MTSS1: variants seen among roughly 807,000 people sequenced by gnomAD.
The protein encoded by MTSS1 is protein MTSS 1.
MTSS1 carries 18 observed loss-of-function variants against 79.0 expected under a neutral mutation model. The observed-to-expected ratio is 0.23, with a 90% CI of 0.16 to 0.34. The LOEUF (loss-of-function observed/expected upper bound fraction) is 0.34. Among genes scored for constraint, MTSS1 ranks in the 10% least tolerant of loss-of-function variants. The pLI is 1.00. For missense variants in MTSS1, 815 were observed against 986.2 expected, an observed-to-expected ratio of 0.83 and a Z score of 2.33; for synonymous variants, 341 against 368.6, an observed-to-expected ratio of 0.93 and a Z score of 0.86.
intron 3 of MTSS1, among the ~76,000 whole-genome samples, chr8:124,599,921 G>A (rs1306187767): frequency 6.6e-6 from 1 of 152,028 alleles, no homozygotes; most frequent in Non-Finnish European, 1.5e-5. Flanking sequence ...ACCACAGGGT[G>A]AAAGGCTTAG....
chr8:124,604,197 AGT>A (rs1834407511), intron 3 of MTSS1, among the ~76,000 whole-genome samples: 1 of 152,256 alleles, frequency 6.6e-6, no homozygotes, highest in East Asian at 1.9e-4. Flanking sequence ...TGGGCAACAG[AGT>A]GAGACTCCAT....
At chr8:124,560,503 T>C (rs1465967647) in intron 10 of MTSS1, among the ~76,000 whole-genome samples, 1 of 152,090 alleles carries the variant, frequency 6.6e-6, no homozygotes, top group Non-Finnish European at 1.5e-5. Context: ...AAAATAAAAT[T>C]AGCCAAGCAT....
At chr8:124,616,327 T>C (rs902293598) in intron 3 of MTSS1, among the ~76,000 whole-genome samples, 5 of 151,108 alleles carry the variant, frequency 3.3e-5, no homozygotes, top group African/African-American at 1.2e-4. Context: ...CATGAGGTTT[T>C]TGTCATTGCT....
At chr8:124,612,508 A>G (rs951841493) in intron 3 of MTSS1, among the ~76,000 whole-genome samples, 1 of 152,026 alleles carries the variant, frequency 6.6e-6, no homozygotes, top group Admixed American at 6.6e-5. Flanking sequence ...TCAGGTAGAA[A>G]TCTTGGCATC....
chr8:124,627,787 G>T (rs1815011222), intron 3 of MTSS1, among the ~76,000 whole-genome samples: 1 of 152,240 alleles, frequency 6.6e-6, no homozygotes, highest in Non-Finnish European at 1.5e-5. Flanking sequence ...GGGAGTCCGG[G>T]AGAGAAGCAC....
At chr8:124,699,674 AC>A (rs1164012522) in intron 2 of MTSS1, 75 bp from the exon 3 acceptor site, 2 of 1,329,900 alleles carry the variant, frequency 1.5e-6, no homozygotes, top group African/African-American at 2.9e-5. Context: ...AAGGCCTAAA[AC>A]CTCTGCTAAG....
chr8:124,568,688 G>C lies in MTSS1; in HGVS notation c.461-152C>G, dbSNP rs766117979. 5 of 1,468,586 alleles carry C rather than the reference G, an allele frequency of 3.4e-6. No individual in the cohort carries two copies. In the Admixed American group the frequency reaches 1.0e-4, roughly 29 times the overall value. The allele number at this position is 1,468,586 out of a possible 1,614,324, so 91.0% of individuals were successfully genotyped here. On this transcript the variant is annotated intron_variant, in intron 6 of 13. Coordinates refer to ENST00000518547, the MANE Select transcript of MTSS1 (RefSeq NM_014751.6). ...TCATGCCCCAAAAGGATTTAAGGCA[G>C]CTGTTTTTCTAGGACCAGCCATTTC...
At chr8:124,714,829 C>T (rs1831692227) in intron 1 of MTSS1, among the ~76,000 whole-genome samples, 1 of 152,154 alleles carries the variant, frequency 6.6e-6, no homozygotes, top group Non-Finnish European at 1.5e-5. Context: ...TGATTCTCCA[C>T]ATCTGGAAAC....
intron 3 of MTSS1, 52 bp from the exon 4 acceptor site, chr8:124,591,287 T>C: frequency 1.4e-6 from 2 of 1,463,048 alleles, no homozygotes; most frequent in Non-Finnish European, 1.9e-6. Flanking sequence ...GCAGGGATCA[T>C]GGAGGTCTTT....
chr8:124,602,939 G>A (rs749304600), intron 3 of MTSS1, among the ~76,000 whole-genome samples: 5 of 152,188 alleles, frequency 3.3e-5, no homozygotes, highest in Non-Finnish European at 7.3e-5. Context: ...TGGAAATGAC[G>A]GATCGTCATG....
chr8:124,685,652 G>A (rs985551528), intron 3 of MTSS1, among the ~76,000 whole-genome samples: 4 of 151,638 alleles, frequency 2.6e-5, no homozygotes, highest in African/African-American at 9.8e-5. Context: ...GCATGTACTG[G>A]GGAGACAGCC....
chr8:124,694,692 C>T (rs1412487014), intron 3 of MTSS1, among the ~76,000 whole-genome samples: 2 of 151,782 alleles, frequency 1.3e-5, no homozygotes, highest in Admixed American at 6.6e-5. Context: ...TTTAAGTAGC[C>T]CAGACAAATG....
chr8:124,561,726 G>A (rs571811736), intron 10 of MTSS1, among the ~76,000 whole-genome samples: 7 of 152,124 alleles, frequency 4.6e-5, no homozygotes, highest in South Asian at 2.1e-4. Context: ...CCCTCCTCCC[G>A]ACCCTTTGCC....
chr8:124,589,596 G>A (rs768894233), intron 5 of MTSS1, 24 bp downstream of exon 5: 3 of 1,592,812 alleles, frequency 1.9e-6, no homozygotes, highest in Non-Finnish European at 2.6e-6. Flanking sequence ...GTGCAGTGAT[G>A]CGCTAGACAT....
intron 3 of MTSS1, among the ~76,000 whole-genome samples, chr8:124,678,187 A>ATACATAT (rs1248722077): frequency 2.0e-5 from 3 of 152,164 alleles, no homozygotes; most frequent in Non-Finnish European, 4.4e-5. Context: ...AGTGGATAGT[A>ATACATAT]TACATATTTA....
At chr8:124,643,970 T>C (rs114115046) in intron 3 of MTSS1, among the ~76,000 whole-genome samples, 331 of 152,042 alleles carry the variant, frequency 2.2e-3, no homozygotes, top group African/African-American at 7.6e-3. Flanking sequence ...GGTGTGGGTA[T>C]GTGTCTGTGA....
chr8:124,598,002 G>A (rs1235531981), intron 3 of MTSS1, among the ~76,000 whole-genome samples: 1 of 152,194 alleles, frequency 6.6e-6, no homozygotes, highest in Non-Finnish European at 1.5e-5. Context: ...GGCCAGGCAT[G>A]ATGGCCATGC....
At chr8:124,722,393 T>C (rs1346449257) in intron 1 of MTSS1, among the ~76,000 whole-genome samples, 1 of 152,188 alleles carries the variant, frequency 6.6e-6, no homozygotes, top group African/African-American at 2.4e-5. Flanking sequence ...AGCCTAGGAC[T>C]TCCAGGTGTT....
At chr8:124,577,406 C>T (rs768772013) in intron 6 of MTSS1, among the ~76,000 whole-genome samples, 4 of 152,210 alleles carry the variant, frequency 2.6e-5, no homozygotes, top group Non-Finnish European at 5.9e-5. Flanking sequence ...CACGCCACCA[C>T]ACCCAGCTAA....
Sources: gnomAD v4.1 joint callset for allele counts (sites outside exome capture counted in the v4.1 genomes callset) on GRCh38, gnomAD v4.1.1 for gene constraint, MANE v1.5 for transcripts, NCBI Gene and HGNC (gene_info 2026-07-23, HGNC 2026-07-21) for gene names.